Variants in SOX6 observed in about 807,000 individuals in gnomAD.
SOX6 encodes the protein SRY-box transcription factor 6, also known as transcription factor SOX-6.
SOX6 carries 11 observed loss-of-function variants against 97.8 expected under a neutral mutation model. The ratio of observed to expected loss-of-function variants is 0.11; its 90% CI spans 0.07 to 0.19. The LOEUF (loss-of-function observed/expected upper bound fraction) is 0.19. Among genes scored for constraint, SOX6 ranks in the 10% least tolerant of loss-of-function variants. The pLI, the probability that SOX6 is intolerant of heterozygous loss-of-function variation, is 1.00. For missense variants in SOX6, 810 were observed against 1,039.5 expected, an observed-to-expected ratio of 0.78 and a Z score of 3.04; for synonymous variants, 360 against 371.4, an observed-to-expected ratio of 0.97 and a Z score of 0.35.
intron 6 of SOX6, among the ~76,000 whole-genome samples, chr11:16,154,695 A>C (rs1850553204): frequency 6.6e-6 from 1 of 152,204 alleles, no homozygotes; most frequent in Non-Finnish European, 1.5e-5. Context: ...ACATAAAGAC[A>C]AAATAAGAAT....
At chr11:16,705,571 G>A (rs1279773554) in intron 3 of SOX6, among the ~76,000 whole-genome samples, 1 of 152,104 alleles carries the variant, frequency 6.6e-6, no homozygotes, top group African/African-American at 2.4e-5. Context: ...AGGTTACAGT[G>A]AGCTATGATA....
intron 2 of SOX6, among the ~76,000 whole-genome samples, chr11:16,321,164 G>A (rs1855911950): frequency 6.6e-6 from 1 of 150,626 alleles, no homozygotes; most frequent in Non-Finnish European, 1.5e-5. Flanking sequence ...GTCCGTATTA[G>A]ACATCTGACC....
chr11:16,208,462 G>C (rs116439793), intron 4 of SOX6, among the ~76,000 whole-genome samples: 132 of 152,316 alleles, frequency 8.7e-4, no homozygotes, highest in African/African-American at 3.0e-3. Context: ...TAAGGCAGTG[G>C]CACTCAACTG....
intron 4 of SOX6, among the ~76,000 whole-genome samples, chr11:16,221,029 A>G (rs10832567): frequency 0.48 from 72,460 of 151,748 alleles, 17,478 homozygotes; most frequent in South Asian, 0.61. Context: ...ACTTATTGTC[A>G]AGGTAATTAT....
Position 16,195,115 on chromosome 11 carries a change from G to C in SOX6, c.536-8160C>G, listed in dbSNP as rs539986356. Among the ~76,000 whole-genome samples the C allele has an allele frequency of 1.3e-3, 205 of 152,330 alleles. 1 individual carries two copies. Among genetic ancestry groups the C allele is most frequent in the African/African-American group, 4.6e-3 (191 of 41,582 alleles). The stretch of plus-strand genomic sequence containing the variant: ...TTCTCTAGAAGCTCCATGAGCGTTA[G>C]GAGAGGAAGGGAAGGAGTAAGAAAA... On this transcript the variant is annotated intron_variant, in intron 4 of 15. Transcript: ENST00000683767.
At position 16,408,351 on chromosome 11, in the gene SOX6, T is replaced by C. The variant is rs536882458; in HGVS notation, c.-4-67099A>G. ...TGCATATCAGAAAAGGAAAGGACCA[T>C]AAAGAACAAAGACGGAAAAGGAAAG... is the stretch of plus-strand genomic sequence containing the variant. On this transcript the variant is annotated intron_variant, in intron 1 of 15. Coordinates refer to the SOX6 transcript ENST00000396356. Among the ~76,000 whole-genome samples the C allele has an allele frequency of 3.9e-5, 6 of 152,260 alleles. No homozygotes were observed. The South Asian group carries it at 6.2e-4, about 16-fold the overall frequency.
rs10611823 is a variant in SOX6, at chr11:16,449,277, C to CTTTTTTTTT, written c.-5+27029_-5+27037dup. On this transcript the variant is annotated intron_variant, in intron 1 of 15. Coordinates refer to the SOX6 transcript ENST00000396356. ...AGTGTAAAATTATAAAATGCTCCTT[C>CTTTTTTTTT]TTTTTTTTTTTTTTTTTTTTTTTTT... is the stretch of plus-strand genomic sequence containing the variant. Among the ~76,000 whole-genome samples the CTTTTTTTTT allele has an allele frequency of 2.3e-3, 147 of 62,942 alleles. 26 individuals are homozygous for CTTTTTTTTT. Among genetic ancestry groups the CTTTTTTTTT allele is most frequent in the Middle Eastern group, 0.017 (1 of 58 alleles). 41.3% of individuals were successfully genotyped at this position (62,942 alleles called of 152,430 possible). A position where few individuals can be genotyped will look rare whatever the true frequency, so the allele number is the denominator to read the frequency against.
At chr11:16,061,243 A>G (rs1362165071) in intron 9 of SOX6, among the ~76,000 whole-genome samples, 1 of 151,114 alleles carries the variant, frequency 6.6e-6, no homozygotes, top group East Asian at 1.9e-4. Context: ...GCATTTCTAG[A>G]CACCTAAAAA....
chr11:16,104,945 C>T (rs192553337), intron 7 of SOX6, among the ~76,000 whole-genome samples: 13 of 151,958 alleles, frequency 8.6e-5, no homozygotes, highest in East Asian at 3.9e-4. Flanking sequence ...GCTTTACCAA[C>T]GGATTCTGCC....
chr11:16,489,677 G>T (rs1452627067), intron 4 of SOX6, among the ~76,000 whole-genome samples: 1 of 152,060 alleles, frequency 6.6e-6, no homozygotes, highest in Non-Finnish European at 1.5e-5. Context: ...AACATGTAAA[G>T]CAATTAGTAC....
At chr11:15,992,670 A>G (rs958603527) in intron 13 of SOX6, among the ~76,000 whole-genome samples, 3 of 152,194 alleles carry the variant, frequency 2.0e-5, no homozygotes, top group Non-Finnish European at 4.4e-5. Flanking sequence ...ATAATATCTG[A>G]ATTAACACCT....
chr11:16,491,500 ATG>A (rs34737280), intron 4 of SOX6, among the ~76,000 whole-genome samples: 14 of 150,218 alleles, frequency 9.3e-5, no homozygotes, highest in African/African-American at 9.7e-5. Flanking sequence ...CCAACAGTCT[ATG>A]TGTGTGTGTG....
chr11:16,252,957 T>C (rs541018798), intron 3 of SOX6, among the ~76,000 whole-genome samples: 13 of 152,294 alleles, frequency 8.5e-5, no homozygotes, highest in African/African-American at 3.1e-4. Flanking sequence ...ACTACATGAC[T>C]AAAGTCCTAT....
At chr11:16,633,131 T>C (rs1386589357) in intron 3 of SOX6, among the ~76,000 whole-genome samples, 1 of 152,198 alleles carries the variant, frequency 6.6e-6, no homozygotes, top group Non-Finnish European at 1.5e-5. Context: ...AATGCCTGGA[T>C]ATCCACCTGG....
intron 2 of SOX6, among the ~76,000 whole-genome samples, chr11:16,326,751 A>C (rs747563822): frequency 2.6e-5 from 4 of 152,186 alleles, no homozygotes; most frequent in Non-Finnish European, 4.4e-5. Context: ...CCAATCATTT[A>C]TTATCCTTAA....
rs4373881 is a variant in SOX6 at position 16,155,898 on chromosome 11, A to G, written c.777+27988T>C. On this transcript the variant is annotated intron_variant, in intron 6 of 15. Coordinates refer to ENST00000683767, the MANE Select transcript of SOX6 (RefSeq NM_001367873.1). The stretch of plus-strand genomic sequence containing the variant: ...TCTTCACTTTAATATTTACTCTCAT[A>G]TTGCCCTTCCCTTCTCCCTGAATAT... Among the ~76,000 whole-genome samples the G allele has an allele frequency of 8.7e-3, 1,318 of 152,054 alleles. 22 individuals are homozygous for G. The highest frequency in any genetic ancestry group is 0.03 in the African/African-American group (1,235 of 41,516).
Position 16,506,072 on chromosome 11 carries a change from A to G in SOX6, n.610-29684T>C, listed in dbSNP as rs528008490. Reference sequence around the variant, plus strand: ...CCTGCTGGGGCATGGCCTAGTAGAGATGTGAGAAGGGGGCCACTGTACTCT... The same window carrying G: ...CCTGCTGGGGCATGGCCTAGTAGAGGTGTGAGAAGGGGGCCACTGTACTCT... On this transcript the variant is annotated intron_variant and non_coding_transcript_variant, in intron 4 of 5. Transcript: ENST00000524520. Among the ~76,000 whole-genome samples, 17 of 152,320 alleles carry G rather than the reference A, an allele frequency of 1.1e-4. No individual in the cohort carries two copies. In the East Asian group the frequency reaches 1.9e-3, roughly 17 times the overall value.
intron 13 of SOX6, among the ~76,000 whole-genome samples, chr11:16,001,626 T>G (rs1245110946): frequency 1.3e-5 from 2 of 152,176 alleles, no homozygotes; most frequent in East Asian, 3.9e-4. Flanking sequence ...AGGATGCCAC[T>G]TCCCTGCCCA....
At chr11:16,072,506 C>A (rs2133944059) in intron 9 of SOX6, among the ~76,000 whole-genome samples, 1 of 152,230 alleles carries the variant, frequency 6.6e-6, no homozygotes, top group East Asian at 1.9e-4. Context: ...AGAAGGCAAG[C>A]AACTTGGAAA....
Sources: allele counts gnomAD v4.1 joint callset (sites outside exome capture counted in the v4.1 genomes callset), GRCh38; gene constraint gnomAD v4.1.1; transcripts MANE v1.5; gene names NCBI Gene and HGNC (gene_info 2026-07-23, HGNC 2026-07-21).